The following NOX4 variants were observed in gnomAD, a reference collection of about 807,000 sequenced individuals.
The protein encoded by NOX4 is kidney oxidase-1.
Under a neutral mutation model 87.6 loss-of-function variants are expected in NOX4, and 69 were observed. The ratio of observed to expected loss-of-function variants is 0.79; its 90% CI spans 0.65 to 0.96. The LOEUF (loss-of-function observed/expected upper bound fraction) is 0.96. NOX4 is among the 40% of genes least tolerant of loss of function. The pLI is 0.00. For missense variants in NOX4, 680 were observed against 681.5 expected, an observed-to-expected ratio of 1.00 and a Z score of 0.02; for synonymous variants, 275 against 238.2, an observed-to-expected ratio of 1.15 and a Z score of -1.42.
chr11:89,506,219 AAGAGAGAAAGAAAGAAAGAGAG>A, the NOX4 span, among the ~76,000 whole-genome samples: 1 of 91,596 alleles, frequency 1.1e-5, no homozygotes, highest in Non-Finnish European at 2.5e-5. Context: ...GAAAGAAAGA[AAGAGAGAAAGAAAGAAAGAGAG>A]AGAGAGAAAG....
At chr11:89,566,677 G>C in the NOX4 span, among the ~76,000 whole-genome samples, 1 of 152,164 alleles carries the variant, frequency 6.6e-6, no homozygotes, top group African/African-American at 2.4e-5. Context: ...CCATCATGAA[G>C]TCCAGTATAC....
At chr11:89,520,554 A>T in the NOX4 span, among the ~76,000 whole-genome samples, 55 of 152,102 alleles carry the variant, frequency 3.6e-4, no homozygotes, top group South Asian at 6.2e-4. Flanking sequence ...ATTCAAAATA[A>T]TAAGAGCCAT....
At chr11:89,538,927 T>C in the NOX4 span, among the ~76,000 whole-genome samples, 1 of 152,024 alleles carries the variant, frequency 6.6e-6, no homozygotes, top group Non-Finnish European at 1.5e-5. Context: ...AGTTAGATGA[T>C]GTCATGCTGG....
At chr11:89,563,834 A>C in the NOX4 span, among the ~76,000 whole-genome samples, 18 of 152,170 alleles carry the variant, frequency 1.2e-4, no homozygotes, top group African/African-American at 3.9e-4. Flanking sequence ...TTCTAATATT[A>C]AACTTTATGA....
chr11:89,343,074 C>G (rs1172643724), intron 13 of NOX4, among the ~76,000 whole-genome samples: 1 of 152,118 alleles, frequency 6.6e-6, no homozygotes, highest in Non-Finnish European at 1.5e-5. Flanking sequence ...CACCCACACA[C>G]ACACCCTCCC....
intron 4 of NOX4, among the ~76,000 whole-genome samples, chr11:89,447,373 C>A (rs945318989): frequency 1.3e-5 from 2 of 152,000 alleles, no homozygotes. Context: ...TTGTAGGTAA[C>A]AGCTATAGAA....
At chr11:89,430,236 C>T (rs1368068015) in intron 7 of NOX4, among the ~76,000 whole-genome samples, 1 of 152,180 alleles carries the variant, frequency 6.6e-6, no homozygotes, top group Non-Finnish European at 1.5e-5. Flanking sequence ...GACAAACCCA[C>T]AGCCAATATC....
rs1009082631 is a variant in NOX4 at position 89,325,306 on chromosome 11, T to C, written c.*1450A>G. The C allele has an allele frequency of 6.6e-6, 1 of 151,976 alleles. No homozygotes were observed. Among genetic ancestry groups the C allele is most frequent in the African/African-American group, 2.4e-5 (1 of 41,368 alleles). The allele number at this position is 151,976 out of a possible 1,614,324, so 9.4% of individuals were successfully genotyped here. A position where few individuals can be genotyped will look rare whatever the true frequency, so the allele number is the denominator to read the frequency against. On this transcript the variant is annotated 3_prime_UTR_variant, in exon 18 of 18. Transcript: ENST00000263317. ...ACCCGCCTAATATTTGTATTTTTAG[T>C]AGCGATGGGGTTTCACCAACTTGGT...
the NOX4 span, among the ~76,000 whole-genome samples, chr11:89,510,573 T>C: frequency 6.6e-6 from 1 of 152,056 alleles, no homozygotes; most frequent in African/African-American, 2.4e-5. Flanking sequence ...AATTATGTAA[T>C]TTTTACAGAA....
Position 89,400,091 on chromosome 11 carries a change from C to A in NOX4, c.1012-12G>T, listed in dbSNP as rs746473596. 3.8e-6 allele frequency: 6 copies of A among 1,596,942 alleles called. No individual in the cohort carries two copies. In the East Asian group the frequency reaches 1.1e-4, roughly 30 times the overall value. ...TGTAGAGTAATATACTAAAAAGCAA[C>A]AAACAGATAAGTTTTAAATGACCAA... On this transcript the variant is annotated splice_polypyrimidine_tract_variant and intron_variant, in intron 10 of 17. Coordinates refer to ENST00000263317, the MANE Select transcript of NOX4 (RefSeq NM_016931.5).
the NOX4 span, among the ~76,000 whole-genome samples, chr11:89,507,458 A>G: frequency 6.6e-6 from 1 of 151,376 alleles, no homozygotes; most frequent in Non-Finnish European, 1.5e-5. Flanking sequence ...TATACAATGC[A>G]TATGTCATAT....
chr11:89,417,346 T>C (rs1055713645), intron 8 of NOX4, among the ~76,000 whole-genome samples: 1 of 152,096 alleles, frequency 6.6e-6, no homozygotes, highest in African/African-American at 2.4e-5. Context: ...TCTATACATG[T>C]TTGGAAAGAG....
At chr11:89,337,625 T>C (rs1945772968) in intron 15 of NOX4, 110 bp from the exon 16 acceptor site, 4 of 1,440,808 alleles carry the variant, frequency 2.8e-6, no homozygotes, top group Non-Finnish European at 3.8e-6. Context: ...TAGCTTATCA[T>C]AGTCAATATC....
chr11:89,404,634 A>G lies in NOX4; in HGVS notation c.630-2092T>C, dbSNP rs1310587434. 8.5e-5 allele frequency among the ~76,000 whole-genome samples: 13 copies of G among 152,312 alleles called. No individual in the cohort carries two copies. The South Asian group carries it at 1.0e-3, about 12-fold the overall frequency. ...TAAAATTTAAAAACAAAAATATTTT[A>G]AAAGATGAAATAATACCCCAGTGTC... On this transcript the variant is annotated intron_variant, in intron 8 of 17. Transcript: ENST00000263317.
At chr11:89,476,507 C>T (rs1946174847) in intron 2 of NOX4, among the ~76,000 whole-genome samples, 1 of 152,018 alleles carries the variant, frequency 6.6e-6, no homozygotes, top group African/African-American at 2.4e-5. Flanking sequence ...ATTATTTTCA[C>T]ATTTATCCTA....
chr11:89,553,898 A>G, the NOX4 span, among the ~76,000 whole-genome samples: 8 of 148,228 alleles, frequency 5.4e-5, no homozygotes, highest in South Asian at 2.1e-4. Flanking sequence ...TTTTTTAATG[A>G]CAAGAGGTAG....
In NOX4 at chr11:89,490,477, T is replaced by G. The variant is rs201688069; in HGVS notation, c.134A>C (p.Tyr45Ser). 6.2e-7 allele frequency: 1 copy of G among 1,612,942 alleles called. No homozygotes were observed. The highest frequency in any genetic ancestry group is 2.2e-5 in the East Asian group (1 of 44,862). The change falls in exon 2 of 18, where the codon TAC becomes TCC. Residue 45 changes from tyrosine (Y) to serine (S), a missense_variant. By Grantham distance (144) the Tyr-to-Ser change is moderately radical. Transcript: ENST00000263317. Reference protein sequence around the residue: ...LLYNQGPEYHYLHQMLGLGLC... With the variant: ...LLYNQGPEYHSLHQMLGLGLC... ...ACTTACCCCCAACATCTGGTGGAGG[T>G]AGTGATACTCTGGCCCTTGGTTATA...
intron 6 of NOX4, among the ~76,000 whole-genome samples, chr11:89,436,036 G>A (rs376571332): frequency 1.2e-3 from 189 of 152,216 alleles, no homozygotes; most frequent in South Asian, 9.1e-3. Flanking sequence ...TGTTATCTGG[G>A]ATATTACAAG....
chr11:89,464,393 G>C (rs528917787), intron 2 of NOX4, among the ~76,000 whole-genome samples: 44 of 152,190 alleles, frequency 2.9e-4, no homozygotes, highest in African/African-American at 8.4e-4. Flanking sequence ...GAGTACAAAA[G>C]GTTCTCATTC....
Sources: allele counts gnomAD v4.1 joint callset (sites outside exome capture counted in the v4.1 genomes callset), GRCh38; gene constraint gnomAD v4.1.1; transcripts MANE v1.5; gene names NCBI Gene and HGNC (gene_info 2026-07-23, HGNC 2026-07-21).